Variants in SPAG16 observed in about 807,000 individuals in gnomAD.
SPAG16 encodes sperm-associated antigen 16 protein.
In SPAG16, 86 loss-of-function variants were observed where a neutral mutation model predicts 80.4. The observed-to-expected ratio is 1.07, with a 90% CI of 0.90 to 1.28. The LOEUF is 1.28. Among genes scored for constraint, SPAG16 ranks in the 50% most tolerant of loss-of-function variants. The probability of loss-of-function intolerance (pLI) is 0.00; values close to 1 mark genes in which losing one functional copy is unlikely to be tolerated. For missense variants in SPAG16, 870 were observed against 765.3 expected, an observed-to-expected ratio of 1.14 and a Z score of -1.61; for synonymous variants, 294 against 265.9, an observed-to-expected ratio of 1.11 and a Z score of -1.03.
intron 10 of SPAG16, among the ~76,000 whole-genome samples, chr2:213,651,009 G>C (rs2062998070): frequency 6.6e-6 from 1 of 152,164 alleles, no homozygotes; most frequent in Non-Finnish European, 1.5e-5. Context: ...GGTTATAGGA[G>C]ATAAGGATTT....
chr2:213,815,350 G>A (rs1360242335), intron 10 of SPAG16, among the ~76,000 whole-genome samples: 1 of 152,106 alleles, frequency 6.6e-6, no homozygotes, highest in African/African-American at 2.4e-5. Flanking sequence ...AGAACACAAG[G>A]GAATTTGGGG....
At chr2:214,348,053 A>G (rs61632904) in intron 15 of SPAG16, among the ~76,000 whole-genome samples, 3,478 of 152,250 alleles carry the variant, frequency 0.023, 130 homozygotes, top group African/African-American at 0.079. Context: ...TGCACCTTTT[A>G]TCTCCCACTT....
At chr2:213,608,428 G>T (rs2061337709) in intron 10 of SPAG16, among the ~76,000 whole-genome samples, 1 of 152,050 alleles carries the variant, frequency 6.6e-6, no homozygotes, top group African/African-American at 2.4e-5. Flanking sequence ...GCGGTGTTTG[G>T]TTTTTTGTCC....
At chr2:213,869,265 A>AAAATATATATATACG (rs1491244962) in intron 11 of SPAG16, among the ~76,000 whole-genome samples, 6 of 24,834 alleles carry the variant, frequency 2.4e-4, no homozygotes, top group Non-Finnish European at 1.4e-3. Flanking sequence ...AAAAAAAAAA[A>AAAATATATATATACG]TATATATATA....
intron 10 of SPAG16, among the ~76,000 whole-genome samples, chr2:213,829,084 C>T (rs1559501819): frequency 6.6e-6 from 1 of 152,112 alleles, no homozygotes; most frequent in East Asian, 1.9e-4. Context: ...CAGCAGATAG[C>T]AAAGCCAGCC....
At chr2:213,682,947 A>G (rs2064471934) in intron 10 of SPAG16, among the ~76,000 whole-genome samples, 1 of 152,156 alleles carries the variant, frequency 6.6e-6, no homozygotes, top group Admixed American at 6.6e-5. Flanking sequence ...AAAAATAAGT[A>G]TGGCTATTTT....
At chr2:213,869,264 A>AAAAAAAAAAAAG (rs552335638) in intron 11 of SPAG16, among the ~76,000 whole-genome samples, 2 of 63,594 alleles carry the variant, frequency 3.1e-5, no homozygotes, top group Admixed American at 1.9e-4. Flanking sequence ...AAAAAAAAAA[A>AAAAAAAAAAAAG]ATATATATAT....
chr2:213,962,929 T>C (rs1278246247), intron 12 of SPAG16, among the ~76,000 whole-genome samples: 2 of 152,316 alleles, frequency 1.3e-5, no homozygotes, highest in South Asian at 2.1e-4. Context: ...TCTGTTTTTT[T>C]TCCTCTGGTC....
intron 15 of SPAG16, among the ~76,000 whole-genome samples, chr2:214,225,248 GC>G (rs1327879294): frequency 6.6e-6 from 1 of 152,142 alleles, no homozygotes; most frequent in East Asian, 1.9e-4. Flanking sequence ...ATATTGTAGG[GC>G]CTTGCTGGCC....
At chr2:214,032,320 T>C (rs1258903541) in intron 13 of SPAG16, among the ~76,000 whole-genome samples, 2 of 152,194 alleles carry the variant, frequency 1.3e-5, no homozygotes, top group African/African-American at 4.8e-5. Flanking sequence ...TTGATCTTAT[T>C]GGTCTCACTG....
chr2:213,878,310 A>G lies in SPAG16; in HGVS notation c.1214+15682A>G, dbSNP rs142786014. On this transcript the variant is annotated intron_variant, in intron 11 of 15. Coordinates refer to ENST00000331683, the MANE Select transcript of SPAG16 (RefSeq NM_024532.5). ...ACATTCCCACCAATAGTGTATAAGCATTTCTTTTCCTTCTTATCATTGCCA... is the reference window on the plus strand; with the variant it reads ...ACATTCCCACCAATAGTGTATAAGCGTTTCTTTTCCTTCTTATCATTGCCA... 3.9e-5 allele frequency among the ~76,000 whole-genome samples: 6 copies of G among 152,194 alleles called. No homozygotes were observed. The East Asian group carries it at 7.7e-4, about 20-fold the overall frequency.
intron 10 of SPAG16, among the ~76,000 whole-genome samples, chr2:213,563,974 T>TGGAAAGGGAAAGGA (rs2059678727): frequency 6.6e-6 from 1 of 152,100 alleles, no homozygotes. Flanking sequence ...ACCTGCCCAT[T>TGGAAAGGGAAAGGA]GGAAAGGGAA....
At chr2:214,113,572 T>G (rs2053782999) in intron 14 of SPAG16, among the ~76,000 whole-genome samples, 1 of 152,198 alleles carries the variant, frequency 6.6e-6, no homozygotes, top group Non-Finnish European at 1.5e-5. Context: ...TCACTAATTT[T>G]ATCTTCAATC....
chr2:213,613,990 A>G (rs951684037), intron 10 of SPAG16, among the ~76,000 whole-genome samples: 2 of 152,204 alleles, frequency 1.3e-5, no homozygotes, highest in African/African-American at 2.4e-5. Context: ...TCAGGGAGCA[A>G]GAGCTCCTCT....
chr2:214,132,674 AAG>A (rs1395783064), intron 14 of SPAG16, among the ~76,000 whole-genome samples: 20 of 152,220 alleles, frequency 1.3e-4, no homozygotes, highest in Non-Finnish European at 5.9e-5. Flanking sequence ...GGAAACTAAG[AAG>A]AAAAGCATGA....
In SPAG16 at chr2:213,495,267, G is replaced by A. The variant is rs573036434; in HGVS notation, c.1070+5177G>A. Among the ~76,000 whole-genome samples the A allele has an allele frequency of 5.3e-5, 8 of 152,328 alleles. No individual in the cohort carries two copies. In the East Asian group the frequency reaches 1.5e-3, roughly 29 times the overall value. ...TATCACTTCCAGACCTAACCCCTAA[G>A]ACTTCCAGTGGGATTCACTGTTGAC... On this transcript the variant is annotated intron_variant, in intron 10 of 15. Transcript: ENST00000331683.
Position 213,310,052 on chromosome 2 carries a change from A to G in SPAG16, c.280-7A>G. 1.9e-6 allele frequency: 3 copies of G among 1,569,916 alleles called. No homozygotes were observed. The highest frequency in any genetic ancestry group is 1.7e-4 in the Middle Eastern group (1 of 5,884). ...TCAGAATAAATAAATGCACGTTTAA[A>G]TTTCAGGAACGGAAAACAGTTCTTC... On this transcript the variant is annotated splice_polypyrimidine_tract_variant and splice_region_variant and intron_variant, in intron 3 of 15. Coordinates refer to ENST00000331683, the MANE Select transcript of SPAG16 (RefSeq NM_024532.5).
chr2:213,349,224 T>C (rs1463913016), intron 6 of SPAG16, among the ~76,000 whole-genome samples: 1 of 152,182 alleles, frequency 6.6e-6, no homozygotes, highest in Non-Finnish European at 1.5e-5. Flanking sequence ...CTTTAAATGC[T>C]TATTTTAGAA....
At chr2:214,161,113 T>G (rs1342411522) in intron 15 of SPAG16, among the ~76,000 whole-genome samples, 1 of 152,090 alleles carries the variant, frequency 6.6e-6, no homozygotes, top group Non-Finnish European at 1.5e-5. Context: ...CCATCCATGT[T>G]TCTGCAAATA....
Sources: allele counts gnomAD v4.1 joint callset (sites outside exome capture counted in the v4.1 genomes callset), GRCh38; gene constraint gnomAD v4.1.1; transcripts MANE v1.5; gene names NCBI Gene and HGNC (gene_info 2026-07-23, HGNC 2026-07-21).